SAMMSON: variants seen among roughly 807,000 people sequenced by gnomAD.
The protein encoded by SAMMSON is long intergenic non-protein coding RNA 1212.
chr3:70,221,944 T>C (rs1701464088), intron 4 of SAMMSON, among the ~76,000 whole-genome samples: 1 of 152,180 alleles, frequency 6.6e-6, no homozygotes, highest in Non-Finnish European at 1.5e-5. Flanking sequence ...GTTGGGTAGA[T>C]TAGTCACCTC....
chr3:70,386,713 C>A (rs1703125733), intron 9 of SAMMSON, among the ~76,000 whole-genome samples: 1 of 151,974 alleles, frequency 6.6e-6, no homozygotes, highest in Admixed American at 6.6e-5. Context: ...TTATAAAGTT[C>A]CAGGGGAGGT....
rs1488656697 is a variant in SAMMSON, at chr3:70,216,468, A to G, written n.508-32639A>G. On this transcript the variant is annotated intron_variant and non_coding_transcript_variant, in intron 4 of 9. Transcript: ENST00000642114. ...CCCATTTTTCACATGAGGACACAGA[A>G]AACGCGGGGATATCAAATAACTTAC... 4.6e-5 allele frequency among the ~76,000 whole-genome samples: 7 copies of G among 152,022 alleles called. No individual in the cohort carries two copies. The East Asian group carries it at 1.4e-3, about 29-fold the overall frequency.
chr3:70,408,397 A>G (rs1701193245), intron 2 of SAMMSON, among the ~76,000 whole-genome samples: 1 of 152,144 alleles, frequency 6.6e-6, no homozygotes, highest in Non-Finnish European at 1.5e-5. Flanking sequence ...CTTTCCTTAT[A>G]AAACCGAATA....
At chr3:70,368,667 T>C (rs1005267140) in intron 9 of SAMMSON, among the ~76,000 whole-genome samples, 1 of 151,634 alleles carries the variant, frequency 6.6e-6, no homozygotes, top group Admixed American at 6.6e-5. Context: ...TGTCAAATAT[T>C]GCTTTCCTGT....
intron 4 of SAMMSON, among the ~76,000 whole-genome samples, chr3:70,090,718 A>G (rs77604595): frequency 0.069 from 10,501 of 152,082 alleles, 541 homozygotes; most frequent in Admixed American, 0.14. Context: ...TGTTAAAAGT[A>G]CAGCTTTTAT....
chr3:70,115,258 G>A (rs985672990), intron 4 of SAMMSON, among the ~76,000 whole-genome samples: 2 of 150,982 alleles, frequency 1.3e-5, no homozygotes, highest in African/African-American at 4.9e-5. Context: ...AGACTAGAGA[G>A]GTTAAGTTAA....
At chr3:70,248,479 A>G (rs1701729789) in intron 4 of SAMMSON, among the ~76,000 whole-genome samples, 1 of 152,066 alleles carries the variant, frequency 6.6e-6, no homozygotes, top group African/African-American at 2.4e-5. Context: ...AGGAAATGGA[A>G]CTTGAAAAGT....
At chr3:70,160,621 A>C (rs1367887250) in intron 4 of SAMMSON, among the ~76,000 whole-genome samples, 1 of 152,064 alleles carries the variant, frequency 6.6e-6, no homozygotes, top group Non-Finnish European at 1.5e-5. Flanking sequence ...GATATGAGTA[A>C]GTGAAAGTCC....
At chr3:70,062,895 T>A (rs967984742) in intron 3 of SAMMSON, among the ~76,000 whole-genome samples, 10 of 152,134 alleles carry the variant, frequency 6.6e-5, no homozygotes, top group African/African-American at 2.4e-4. Context: ...AGTTGCATAT[T>A]GGACATTCTA....
At chr3:70,096,713 C>T (rs979960071) in intron 4 of SAMMSON, among the ~76,000 whole-genome samples, 33 of 152,300 alleles carry the variant, frequency 2.2e-4, no homozygotes, top group African/African-American at 7.7e-4. Flanking sequence ...GGGGGGTCAT[C>T]TTAGAAGCTG....
At chr3:70,383,096 A>C (rs17007180) in intron 9 of SAMMSON, among the ~76,000 whole-genome samples, 14,553 of 152,128 alleles carry the variant, frequency 0.096, 990 homozygotes, top group East Asian at 0.4. Context: ...TTCCACTAGG[A>C]GATTGGACAT....
chr3:70,010,562 G>T (rs1387444530), intron 1 of SAMMSON, among the ~76,000 whole-genome samples: 2 of 152,050 alleles, frequency 1.3e-5, no homozygotes, highest in Non-Finnish European at 2.9e-5. Flanking sequence ...GTGTCTTAGG[G>T]TTCCTGTTAA....
At chr3:70,166,744 C>A (rs1418878667) in intron 4 of SAMMSON, among the ~76,000 whole-genome samples, 1 of 151,900 alleles carries the variant, frequency 6.6e-6, no homozygotes, top group African/African-American at 2.4e-5. Flanking sequence ...TGACAATTTT[C>A]TTTTAGAATA....
intron 4 of SAMMSON, among the ~76,000 whole-genome samples, chr3:70,195,260 G>C (rs1701164559): frequency 6.6e-6 from 1 of 151,950 alleles, no homozygotes; most frequent in Non-Finnish European, 1.5e-5. Flanking sequence ...ATTGAGTATA[G>C]AGCTGTTTCT....
At chr3:70,109,761 A>T (rs1049543803) in intron 4 of SAMMSON, among the ~76,000 whole-genome samples, 2 of 152,210 alleles carry the variant, frequency 1.3e-5, no homozygotes, top group Non-Finnish European at 1.5e-5. Context: ...CAGTGCTCTT[A>T]TCTTGTACAT....
chr3:70,276,982 T>C (rs1463958037), intron 6 of SAMMSON, among the ~76,000 whole-genome samples: 3 of 152,202 alleles, frequency 2.0e-5, no homozygotes, highest in African/African-American at 7.2e-5. Flanking sequence ...TTTTTTTTAT[T>C]CTTTCTTAAG....
chr3:70,263,788 C>G (rs957714208), intron 6 of SAMMSON, among the ~76,000 whole-genome samples: 6 of 152,140 alleles, frequency 3.9e-5, no homozygotes, highest in Admixed American at 2.6e-4. Context: ...TGTCTGGCTC[C>G]ATCTGGGTTC....
At chr3:70,274,194 GTGTT>G (rs1702000831) in intron 6 of SAMMSON, among the ~76,000 whole-genome samples, 1 of 151,712 alleles carries the variant, frequency 6.6e-6, no homozygotes, top group South Asian at 2.1e-4. Context: ...GGGGATGTGA[GTGTT>G]TGTGTGTTTG....
chr3:70,359,342 T>G (rs1702854098), intron 9 of SAMMSON, among the ~76,000 whole-genome samples: 1 of 152,144 alleles, frequency 6.6e-6, no homozygotes, highest in Non-Finnish European at 1.5e-5. Context: ...GTTGATTTAA[T>G]TAACCATGAA....
Sources: allele counts gnomAD v4.1 joint callset (sites outside exome capture counted in the v4.1 genomes callset), GRCh38; gene constraint gnomAD v4.1.1; transcripts MANE v1.5; gene names NCBI Gene and HGNC (gene_info 2026-07-23, HGNC 2026-07-21).